The following RPAP3 variants were observed in gnomAD, a reference collection of about 807,000 sequenced individuals.
The protein encoded by RPAP3 is RNA polymerase II-associated protein 3.
Under a neutral mutation model 88.8 loss-of-function variants are expected in RPAP3, and 58 were observed. The ratio of observed to expected loss-of-function variants is 0.65; its 90% CI spans 0.53 to 0.81. The LOEUF is 0.81. Ranked by LOEUF, RPAP3 falls within the 40% of genes least tolerant of loss-of-function variation. The probability of loss-of-function intolerance (pLI) is 0.00; values close to 1 mark genes in which losing one functional copy is unlikely to be tolerated. For missense variants in RPAP3, 751 were observed against 764.3 expected, an observed-to-expected ratio of 0.98 and a Z score of 0.20; for synonymous variants, 255 against 259.9, an observed-to-expected ratio of 0.98 and a Z score of 0.18.
chr12:47,664,722 T>C (rs1377880029), intron 16 of RPAP3: 1 of 152,260 alleles, frequency 6.6e-6, no homozygotes, highest in Non-Finnish European at 1.5e-5. Flanking sequence ...CTTGAACTTA[T>C]CACATTAGAG....
intron 3 of RPAP3, among the ~76,000 whole-genome samples, chr12:47,698,937 G>T (rs925418184): frequency 3.9e-5 from 6 of 152,288 alleles, no homozygotes; most frequent in South Asian, 4.1e-4. Context: ...AAAAAATTAT[G>T]CATAGTTTCA....
intron 4 of RPAP3, 102 bp from the exon 5 acceptor site, chr12:47,696,505 T>A (rs1398889959): frequency 1.4e-6 from 1 of 716,560 alleles, no homozygotes; most frequent in East Asian, 3.3e-5. Context: ...TCCACTTAAA[T>A]GTAGATTTTT....
intron 16 of RPAP3, among the ~76,000 whole-genome samples, chr12:47,665,731 T>G (rs1211889484): frequency 6.6e-6 from 1 of 151,916 alleles, no homozygotes; most frequent in Non-Finnish European, 1.5e-5. Flanking sequence ...GCCTCAACCT[T>G]CCGTGCTGAA....
rs1020686209 is a variant in RPAP3 at position 47,662,543 on chromosome 12, A to G, written c.*962T>C. 1.3e-5 allele frequency: 2 copies of G among 152,230 alleles called. No individual in the cohort carries two copies. The highest frequency in any genetic ancestry group is 3.8e-4 in the East Asian group (2 of 5,204). 9.4% of individuals were successfully genotyped at this position (152,230 alleles called of 1,614,324 possible). ...ATAACAATTAAAGGATGGTGTCCTA[A>G]TATTTTTTAACAACTTGATAGTCTC... On this transcript the variant is annotated 3_prime_UTR_variant, in exon 17 of 17. Transcript: ENST00000005386.
chr12:47,698,938 CAT>C (rs1458096328), intron 3 of RPAP3, among the ~76,000 whole-genome samples: 1 of 152,168 alleles, frequency 6.6e-6, no homozygotes, highest in Non-Finnish European at 1.5e-5. Flanking sequence ...AAAAATTATG[CAT>C]AGTTTCATTA....
chr12:47,672,841 A>G (rs1443980889), intron 12 of RPAP3, among the ~76,000 whole-genome samples: 1 of 152,186 alleles, frequency 6.6e-6, no homozygotes, highest in African/African-American at 2.4e-5. Context: ...CATTTTTAAC[A>G]AGAAGGTGGG....
At position 47,696,332 on chromosome 12, in the gene RPAP3, A is replaced by G; in HGVS notation, c.489T>C (p.Asp163=). Residue 163 remains aspartate (D), a synonymous_variant, in exon 5 of 17, where the codon GAT becomes GAC. Coordinates refer to ENST00000005386, the MANE Select transcript of RPAP3 (RefSeq NM_024604.3). The part of the protein sequence containing the change: ...IDCYTKGMDA[D]PYNPVLPTNR... Reference sequence around the variant, plus strand: ...TCGTTGGCAACACGGGATTATATGGATCGGCATCCATGCCTTTTGTGTAGC... The same window carrying G: ...TCGTTGGCAACACGGGATTATATGGGTCGGCATCCATGCCTTTTGTGTAGC... 1 of 1,602,394 alleles carries G rather than the reference A, an allele frequency of 6.2e-7. No homozygotes were observed. Among genetic ancestry groups the G allele is most frequent in the Non-Finnish European group, 8.5e-7 (1 of 1,174,066 alleles).
chr12:47,676,861 A>G (rs1939126377), intron 12 of RPAP3, among the ~76,000 whole-genome samples: 1 of 152,232 alleles, frequency 6.6e-6, no homozygotes, highest in Non-Finnish European at 1.5e-5. Context: ...AATCAATAGA[A>G]AAAGAGGGAA....
chr12:47,692,922 C>A (rs959868587), intron 5 of RPAP3, among the ~76,000 whole-genome samples: 1 of 152,174 alleles, frequency 6.6e-6, no homozygotes, highest in African/African-American at 2.4e-5. Context: ...CTCTCTCGCC[C>A]CGGCTGGAGT....
intron 15 of RPAP3, 21 bp from the exon 16 acceptor site, chr12:47,667,101 A>G: frequency 1.7e-6 from 2 of 1,151,238 alleles, no homozygotes; most frequent in Non-Finnish European, 2.4e-6. Context: ...CCAAATATAG[A>G]AACAAATGAT....
At chr12:47,673,547 T>C (rs953044315) in intron 12 of RPAP3, among the ~76,000 whole-genome samples, 2 of 149,700 alleles carry the variant, frequency 1.3e-5, no homozygotes, top group African/African-American at 2.5e-5. Context: ...AGTACAAACA[T>C]AGCAAAACAA....
At chr12:47,671,900 C>T (rs371135091) in intron 12 of RPAP3, among the ~76,000 whole-genome samples, 2 of 151,894 alleles carry the variant, frequency 1.3e-5, no homozygotes, top group East Asian at 3.9e-4. Flanking sequence ...ATAGAAAGAA[C>T]TTAAGAAAAT....
chr12:47,679,615 C>A, intron 11 of RPAP3, 21 bp from the exon 12 acceptor site: 1 of 1,542,818 alleles, frequency 6.5e-7, no homozygotes, highest in Non-Finnish European at 8.9e-7. Flanking sequence ...AATTTATAAC[C>A]CTAACTTTCA....
rs1939227075 is a variant in RPAP3, at chr12:47,681,713, A to T, written c.1097T>A (p.Leu366Gln). 6.2e-7 allele frequency: 1 copy of T among 1,612,374 alleles called. No homozygotes were observed. Among genetic ancestry groups the T allele is most frequent in the African/African-American group, 1.3e-5 (1 of 74,856 alleles). ...RGTARTFLGK[L>Q]NEAKQDFETV... The stretch of plus-strand genomic sequence containing the variant: ...AGTCTTACCTTGTTTTGCCTCATTT[A>T]GCTTTCCCAAAAATGTTCTTGCAGT... Residue 366 changes from leucine to glutamine, a missense_variant, in exon 10 of 17, where the codon CTA becomes CAA. Coordinates refer to ENST00000005386, the MANE Select transcript of RPAP3 (RefSeq NM_024604.3).
intron 16 of RPAP3, among the ~76,000 whole-genome samples, chr12:47,664,366 G>A (rs998702003): frequency 6.6e-6 from 1 of 152,074 alleles, no homozygotes; most frequent in African/African-American, 2.4e-5. Context: ...CTCCAGCCTG[G>A]GCGACAGAGC....
At chr12:47,696,071 G>C (rs371375628) in intron 5 of RPAP3, 65 of 370,260 alleles carry the variant, frequency 1.8e-4, no homozygotes, top group African/African-American at 1.2e-3. Context: ...GTGAGCTATG[G>C]GAACAAGGTT....
intron 13 of RPAP3, 95 bp downstream of exon 13, chr12:47,670,012 C>T: frequency 1.3e-6 from 1 of 782,496 alleles, no homozygotes; most frequent in Admixed American, 2.3e-5. Context: ...AAAAAATTAG[C>T]ATGATGAGTA....
Position 47,679,565 on chromosome 12 carries a change from A to C in RPAP3, c.1215T>G (p.Asp405Glu), listed in dbSNP as rs148012785. 1.1e-5 allele frequency: 17 copies of C among 1,605,846 alleles called. No individual in the cohort carries two copies. The highest frequency in any genetic ancestry group is 1.7e-5 in the Admixed American group (1 of 59,820). ...KELIEKGHWD[D>E]VFLDSTQRQN... is the part of the protein sequence containing the mutation. ...GTCTTTGTGTGGAATCAAGAAAGAC[A>C]TCATCCCAGTGTCCTTTCTCAATTA... The change falls in exon 12 of 17, where the codon GAT (aspartate) becomes GAG (glutamate). Residue 405 changes from aspartate to glutamate, a missense_variant. Physicochemically the swap from Asp to Glu is conservative, Grantham distance 45. Coordinates refer to ENST00000005386, the MANE Select transcript of RPAP3 (RefSeq NM_024604.3).
At chr12:47,689,667 C>G (rs893540509) in intron 6 of RPAP3, among the ~76,000 whole-genome samples, 1 of 151,218 alleles carries the variant, frequency 6.6e-6, no homozygotes, top group East Asian at 1.9e-4. Context: ...CTTCTCCCCC[C>G]AGGGCAGACA....
Sources: gnomAD v4.1 joint callset for allele counts (sites outside exome capture counted in the v4.1 genomes callset) on GRCh38, gnomAD v4.1.1 for gene constraint, MANE v1.5 for transcripts, NCBI Gene and HGNC (gene_info 2026-07-23, HGNC 2026-07-21) for gene names.